The following ERBB4 variants were observed in gnomAD, a reference collection of about 807,000 sequenced individuals.
ERBB4 encodes the protein receptor tyrosine-protein kinase erbB-4.
In ERBB4, 42 loss-of-function variants were observed where a neutral mutation model predicts 158.0. That is an observed-to-expected ratio of 0.27 (90% confidence interval 0.21 to 0.34). The LOEUF is 0.34. ERBB4 is among the 10% of genes least tolerant of loss of function. ERBB4 has a pLI of 1.00. For missense variants in ERBB4, 1,333 were observed against 1,624.1 expected, an observed-to-expected ratio of 0.82 and a Z score of 3.08; for synonymous variants, 583 against 558.7, an observed-to-expected ratio of 1.04 and a Z score of -0.61.
chr2:212,372,971 A>C (rs1390394247), intron 1 of ERBB4, among the ~76,000 whole-genome samples: 1 of 152,188 alleles, frequency 6.6e-6, no homozygotes, highest in Non-Finnish European at 1.5e-5. Flanking sequence ...CTGAAGAGCA[A>C]AAACAAAAAG....
At chr2:211,423,625 A>T (rs1345084142) in intron 23 of ERBB4, among the ~76,000 whole-genome samples, 2 of 152,018 alleles carry the variant, frequency 1.3e-5, no homozygotes, top group African/African-American at 4.8e-5. Context: ...GTAAACATTT[A>T]TAATCTTTTT....
chr2:211,689,750 ATC>A (rs10612711), intron 12 of ERBB4, among the ~76,000 whole-genome samples: 54,823 of 151,700 alleles, frequency 0.36, 10,838 homozygotes, highest in Middle Eastern at 0.5. Flanking sequence ...CTTATCAAGT[ATC>A]TCATTTTCTG....
intron 19 of ERBB4, among the ~76,000 whole-genome samples, chr2:211,577,151 A>C (rs910708570): frequency 6.6e-6 from 1 of 152,202 alleles, no homozygotes; most frequent in African/African-American, 2.4e-5. Flanking sequence ...GTCCAATATA[A>C]TTAGTTTCCC....
At chr2:211,724,449 T>C (rs939712900) in intron 6 of ERBB4, among the ~76,000 whole-genome samples, 1 of 152,008 alleles carries the variant, frequency 6.6e-6, no homozygotes, top group Non-Finnish European at 1.5e-5. Context: ...TAAACATTTG[T>C]GTATTTTTAC....
At chr2:212,119,085 T>TA (rs1297190332) in intron 2 of ERBB4, among the ~76,000 whole-genome samples, 1 of 152,040 alleles carries the variant, frequency 6.6e-6, no homozygotes, top group Non-Finnish European at 1.5e-5. Flanking sequence ...TCCAATGAAT[T>TA]ACGATATTGT....
At chr2:212,022,063 C>T (rs745486963) in intron 2 of ERBB4, among the ~76,000 whole-genome samples, 5 of 152,194 alleles carry the variant, frequency 3.3e-5, no homozygotes, top group Admixed American at 6.5e-5. Flanking sequence ...AATGCTTTTA[C>T]ACCATTGCTG....
intron 1 of ERBB4, among the ~76,000 whole-genome samples, chr2:212,391,954 A>C (rs1445471949): frequency 6.6e-6 from 1 of 151,416 alleles, no homozygotes; most frequent in African/African-American, 2.4e-5. Flanking sequence ...TTTTTAATTT[A>C]AAAGGATTAT....
chr2:212,233,954 T>C (rs1231707387), intron 1 of ERBB4, among the ~76,000 whole-genome samples: 1 of 138,314 alleles, frequency 7.2e-6, no homozygotes, highest in Non-Finnish European at 1.5e-5. Flanking sequence ...TATATGTCTC[T>C]TTGCATTATT....
rs571701704 is a variant in ERBB4, at chr2:211,924,734, A to G, written c.421+22696T>C. Among the ~76,000 whole-genome samples the G allele has an allele frequency of 6.6e-5, 10 of 152,316 alleles. No homozygotes were observed. The South Asian group carries it at 2.1e-3, about 32-fold the overall frequency. ...GTAGTATTTCTTTGTTCACGGTCACATAGGTAAGAGTCACGTATTTATACC... is the reference window on the plus strand; with the variant it reads ...GTAGTATTTCTTTGTTCACGGTCACGTAGGTAAGAGTCACGTATTTATACC... On this transcript the variant is annotated intron_variant, in intron 3 of 27. Transcript: ENST00000342788.
chr2:212,288,389 A>T lies in ERBB4; in HGVS notation c.83-163486T>A, dbSNP rs1450087974. Among the ~76,000 whole-genome samples, 7 of 152,278 alleles carry T rather than the reference A, an allele frequency of 4.6e-5. No homozygotes were observed. In the East Asian group the frequency reaches 1.4e-3, roughly 30 times the overall value. On this transcript the variant is annotated intron_variant, in intron 1 of 27. Transcript: ENST00000342788. ...TTAGTGTGCTTGAGGAACCACGAAC[A>T]TACTATTAACATCACTGTCACTACT...
chr2:212,140,702 C>T (rs949851265), intron 1 of ERBB4, among the ~76,000 whole-genome samples: 2 of 150,684 alleles, frequency 1.3e-5, no homozygotes, highest in Admixed American at 6.6e-5. Context: ...AGTTAAGAAA[C>T]TTTATTTTAA....
At chr2:212,312,813 T>C in intron 1 of ERBB4, among the ~76,000 whole-genome samples, 1 of 150,804 alleles carries the variant, frequency 6.6e-6, no homozygotes, top group East Asian at 2.0e-4. Flanking sequence ...TCTTCCTTAT[T>C]TTAGAAGCAA....
chr2:211,927,718 T>C (rs1352906543), intron 3 of ERBB4, among the ~76,000 whole-genome samples: 1 of 152,142 alleles, frequency 6.6e-6, no homozygotes, highest in Admixed American at 6.6e-5. Flanking sequence ...AAAAGTTTTT[T>C]TTTTTAAGTC....
chr2:211,569,969 C>T (rs2125741514), intron 19 of ERBB4, among the ~76,000 whole-genome samples: 1 of 152,190 alleles, frequency 6.6e-6, no homozygotes, highest in African/African-American at 2.4e-5. Flanking sequence ...TAATTTTCTC[C>T]CCTCTGATGT....
chr2:212,157,719 A>G (rs1207735185), intron 1 of ERBB4, among the ~76,000 whole-genome samples: 1 of 152,136 alleles, frequency 6.6e-6, no homozygotes, highest in Non-Finnish European at 1.5e-5. Flanking sequence ...AGTAGAATAA[A>G]TCCACATGTA....
chr2:211,999,905 T>C (rs1384920810), intron 2 of ERBB4, among the ~76,000 whole-genome samples: 1 of 151,790 alleles, frequency 6.6e-6, no homozygotes, highest in Non-Finnish European at 1.5e-5. Context: ...TAAAAAAAAG[T>C]CTTTTAATTT....
At chr2:211,663,396 CT>C (rs1363318964) in intron 15 of ERBB4, among the ~76,000 whole-genome samples, 5 of 152,286 alleles carry the variant, frequency 3.3e-5, no homozygotes, top group African/African-American at 1.2e-4. Flanking sequence ...TATTCAAATT[CT>C]GTCTCAACTT....
intron 1 of ERBB4, among the ~76,000 whole-genome samples, chr2:212,346,859 T>C (rs17347397): frequency 6.6e-6 from 1 of 152,016 alleles, no homozygotes; most frequent in Non-Finnish European, 1.5e-5. Flanking sequence ...TTAATAGACC[T>C]CAAAATGACT....
intron 2 of ERBB4, among the ~76,000 whole-genome samples, chr2:212,054,139 C>A (rs948749347): frequency 1.3e-5 from 2 of 152,070 alleles, no homozygotes; most frequent in Admixed American, 6.6e-5. Context: ...AGGGAGGTTT[C>A]CACTGTGCTA....
Sources: allele counts gnomAD v4.1 joint callset (sites outside exome capture counted in the v4.1 genomes callset), GRCh38; gene constraint gnomAD v4.1.1; transcripts MANE v1.5; gene names NCBI Gene and HGNC (gene_info 2026-07-23, HGNC 2026-07-21).